ARHGAP10: variants seen among roughly 807,000 people sequenced by gnomAD.
ARHGAP10 encodes Rho GTPase activating protein 10.
In ARHGAP10, 87 loss-of-function variants were observed where a neutral mutation model predicts 108.6. The ratio of observed to expected loss-of-function variants is 0.80; its 90% confidence interval spans 0.67 to 0.96. ARHGAP10 has a LOEUF of 0.96. Ranked by LOEUF, ARHGAP10 falls within the 40% of genes least tolerant of loss-of-function variation. The pLI is 0.00. For missense variants in ARHGAP10, 939 were observed against 954.5 expected, an observed-to-expected ratio of 0.98 and a Z score of 0.21; for synonymous variants, 347 against 341.1, an observed-to-expected ratio of 1.02 and a Z score of -0.19.
At chr4:147,782,744 C>G (rs1041143005) in intron 1 of ARHGAP10, 2 of 151,754 alleles carry the variant, frequency 1.3e-5, no homozygotes, top group Admixed American at 6.6e-5. Context: ...AAAGAAGAGA[C>G]TTCTGGAAAA....
At chr4:147,918,386 C>T (rs573498493) in intron 13 of ARHGAP10, among the ~76,000 whole-genome samples, 47 of 152,208 alleles carry the variant, frequency 3.1e-4, no homozygotes, top group African/African-American at 7.2e-4. Context: ...CCACCTGCCT[C>T]GGCCTCCCAA....
intron 10 of ARHGAP10, among the ~76,000 whole-genome samples, chr4:147,890,049 T>C (rs1735736357): frequency 6.6e-6 from 1 of 152,238 alleles, no homozygotes; most frequent in Admixed American, 6.5e-5. Flanking sequence ...CACATAGCAC[T>C]GTCTGTGGTT....
chr4:147,999,221 A>C (rs1740597622), intron 18 of ARHGAP10, among the ~76,000 whole-genome samples: 1 of 152,214 alleles, frequency 6.6e-6, no homozygotes, highest in Non-Finnish European at 1.5e-5. Flanking sequence ...AATTAGGCAA[A>C]AACAGGAGGT....
At chr4:147,899,699 G>A (rs917604018) in intron 10 of ARHGAP10, among the ~76,000 whole-genome samples, 2 of 133,168 alleles carry the variant, frequency 1.5e-5, no homozygotes, top group African/African-American at 5.1e-5. Flanking sequence ...GTAAAATTAG[G>A]CAACATGCTT....
intron 3 of ARHGAP10, among the ~76,000 whole-genome samples, chr4:147,835,601 T>G (rs1733140060): frequency 6.6e-6 from 1 of 152,166 alleles, no homozygotes; most frequent in South Asian, 2.1e-4. Context: ...CTCAAACTCC[T>G]GACCTCAGGT....
intron 18 of ARHGAP10, among the ~76,000 whole-genome samples, chr4:148,006,349 G>A (rs569452833): frequency 5.3e-5 from 8 of 152,326 alleles, no homozygotes; most frequent in Admixed American, 4.6e-4. Flanking sequence ...TGGGGAAAAC[G>A]GAGGCACCCA....
chr4:147,824,990 T>C (rs1202956281), intron 3 of ARHGAP10, among the ~76,000 whole-genome samples: 1 of 152,182 alleles, frequency 6.6e-6, no homozygotes, highest in Non-Finnish European at 1.5e-5. Flanking sequence ...CTAGATCACA[T>C]GGCATCTAGG....
At chr4:147,968,033 A>G (rs1223390468) in intron 18 of ARHGAP10, among the ~76,000 whole-genome samples, 1 of 152,220 alleles carries the variant, frequency 6.6e-6, no homozygotes, top group African/African-American at 2.4e-5. Flanking sequence ...ATAAGAGTTA[A>G]AACAAGACCT....
At chr4:147,983,971 A>G (rs1376587282) in intron 18 of ARHGAP10, among the ~76,000 whole-genome samples, 2 of 151,560 alleles carry the variant, frequency 1.3e-5, no homozygotes, top group Non-Finnish European at 2.9e-5. Context: ...AGAGTTCTTG[A>G]TTTTTTTATT....
chr4:148,053,204 CAT>C (rs1273897533), intron 20 of ARHGAP10, among the ~76,000 whole-genome samples: 1 of 152,188 alleles, frequency 6.6e-6, no homozygotes, highest in Non-Finnish European at 1.5e-5. Flanking sequence ...TTTGACCCCT[CAT>C]GTGTCTGCCC....
At chr4:147,866,879 G>A (rs1734589234) in intron 7 of ARHGAP10, 63 bp downstream of exon 7, 7 of 1,367,698 alleles carry the variant, frequency 5.1e-6, no homozygotes, top group Non-Finnish European at 7.2e-6. Context: ...TTTGTGTGTT[G>A]TATGAAAAGC....
chr4:147,884,368 A>T (rs895110535), intron 10 of ARHGAP10, among the ~76,000 whole-genome samples: 2 of 152,152 alleles, frequency 1.3e-5, no homozygotes, highest in African/African-American at 4.8e-5. Context: ...GGAGGACTTT[A>T]GGTCAGGGAT....
At chr4:148,011,573 A>G (rs960369468) in intron 18 of ARHGAP10, among the ~76,000 whole-genome samples, 4 of 152,230 alleles carry the variant, frequency 2.6e-5, no homozygotes, top group Non-Finnish European at 5.9e-5. Flanking sequence ...ATTGAGCATC[A>G]GAAGTCATAT....
chr4:147,875,017 T>G lies in ARHGAP10; in HGVS notation c.703-4T>G. 2 of 1,577,982 alleles carry G rather than the reference T, an allele frequency of 1.3e-6. No individual in the cohort carries two copies. The highest frequency in any genetic ancestry group is 1.7e-6 in the Non-Finnish European group (2 of 1,169,014). ...ATTTATGTGTGTTTTTTAATCCATT[T>G]CAGACACGGAATCGATTTGAAGGAA... On this transcript the variant is annotated splice_polypyrimidine_tract_variant and splice_region_variant and intron_variant, in intron 7 of 22. Transcript: ENST00000336498.
intron 7 of ARHGAP10, among the ~76,000 whole-genome samples, chr4:147,872,426 G>T (rs997217320): frequency 2.0e-5 from 3 of 152,168 alleles, no homozygotes; most frequent in Non-Finnish European, 4.4e-5. Context: ...GAAGTCATGG[G>T]TTTTCAAATA....
intron 18 of ARHGAP10, among the ~76,000 whole-genome samples, chr4:148,010,999 TG>T (rs1741151564): frequency 6.6e-6 from 1 of 152,240 alleles, no homozygotes; most frequent in African/African-American, 2.4e-5. Context: ...TTCATGACAT[TG>T]GCACTTCTGA....
At chr4:148,033,874 C>T (rs1293311530) in intron 19 of ARHGAP10, among the ~76,000 whole-genome samples, 1 of 152,148 alleles carries the variant, frequency 6.6e-6, no homozygotes, top group Admixed American at 6.6e-5. Context: ...CACCTTTTGC[C>T]CAGGCTGCTT....
chr4:148,004,382 A>G (rs1345402689), intron 18 of ARHGAP10, among the ~76,000 whole-genome samples: 9 of 152,232 alleles, frequency 5.9e-5, no homozygotes, highest in Admixed American at 5.9e-4. Context: ...GAATGAATAG[A>G]TTTAAATAGT....
chr4:147,926,522 A>C (rs544579306), intron 13 of ARHGAP10, among the ~76,000 whole-genome samples: 5 of 152,262 alleles, frequency 3.3e-5, no homozygotes, highest in African/African-American at 1.2e-4. Flanking sequence ...TAGGTTTGGG[A>C]GGGATAGAGA....
Sources: allele counts gnomAD v4.1 joint callset (sites outside exome capture counted in the v4.1 genomes callset), GRCh38; gene constraint gnomAD v4.1.1; transcripts MANE v1.5; gene names NCBI Gene and HGNC (gene_info 2026-07-23, HGNC 2026-07-21).